The following COL28A1 variants were observed in gnomAD, a reference collection of about 807,000 sequenced individuals.
The protein encoded by COL28A1 is collagen type XXVIII alpha 1 chain.
In COL28A1, 161 loss-of-function variants were observed where a neutral mutation model predicts 150.2. The observed-to-expected ratio is 1.07, with a 90% CI of 0.94 to 1.22. COL28A1 has a LOEUF of 1.22. COL28A1 is among the 50% of genes most tolerant of loss of function. The pLI is 0.00. For missense variants in COL28A1, 1,617 were observed against 1,388.3 expected (o/e 1.16, Z -2.62); for synonymous variants, 552 against 469.7 (o/e 1.18, Z -2.26).
the COL28A1 span, among the ~76,000 whole-genome samples, chr7:7,344,627 T>C: frequency 6.6e-6 from 1 of 152,138 alleles, no homozygotes; most frequent in Non-Finnish European, 1.5e-5. Flanking sequence ...TCACATCATC[T>C]GTCTTTTAAA....
At chr7:7,517,526 T>C (rs181105521) in intron 7 of COL28A1, among the ~76,000 whole-genome samples, 34 of 152,332 alleles carry the variant, frequency 2.2e-4, no homozygotes, top group Non-Finnish European at 4.4e-4. Flanking sequence ...AGTTTTCTCA[T>C]TGGAGCCTTT....
intron 31 of COL28A1, among the ~76,000 whole-genome samples, chr7:7,374,557 T>C (rs1475591009): frequency 6.6e-6 from 1 of 152,150 alleles, no homozygotes; most frequent in East Asian, 1.9e-4. Flanking sequence ...AAACCTTCCA[T>C]TTAGGTTGAT....
intron 27 of COL28A1, among the ~76,000 whole-genome samples, chr7:7,385,049 C>A (rs767686540): frequency 6.6e-6 from 1 of 152,186 alleles, no homozygotes; most frequent in Non-Finnish European, 1.5e-5. Flanking sequence ...TAGCAGCCAG[C>A]CCCCAGAGTG....
intron 11 of COL28A1, among the ~76,000 whole-genome samples, chr7:7,498,626 A>G (rs1780347905): frequency 6.6e-6 from 1 of 152,202 alleles, no homozygotes; most frequent in South Asian, 2.1e-4. Flanking sequence ...ATATTATGTT[A>G]TTATATATTT....
intron 8 of COL28A1, 62 bp downstream of exon 8, chr7:7,515,752 C>T (rs1301424814): frequency 2.5e-6 from 2 of 815,056 alleles, no homozygotes; most frequent in Non-Finnish European, 4.3e-6. Flanking sequence ...TTCCTAAGTA[C>T]ACTTATGTTT....
chr7:7,355,416 C>T (rs559653569), downstream of COL28A1, among the ~76,000 whole-genome samples: 62 of 152,122 alleles, frequency 4.1e-4, no homozygotes, highest in African/African-American at 1.4e-3. Flanking sequence ...TCAAGACCAG[C>T]CCGGACAACA....
chr7:7,438,635 A>G (rs1307300598), intron 21 of COL28A1, among the ~76,000 whole-genome samples: 1 of 152,180 alleles, frequency 6.6e-6, no homozygotes, highest in Non-Finnish European at 1.5e-5. Flanking sequence ...ACTTGTCTCT[A>G]TATTTTTATC....
At chr7:7,541,098 T>C in the COL28A1 span, among the ~76,000 whole-genome samples, 3 of 152,160 alleles carry the variant, frequency 2.0e-5, no homozygotes, top group African/African-American at 7.2e-5. Flanking sequence ...GAGCATTAAG[T>C]AACTTATTAT....
intron 33 of COL28A1, among the ~76,000 whole-genome samples, chr7:7,360,818 T>G (rs1198898960): frequency 6.6e-6 from 1 of 152,236 alleles, no homozygotes; most frequent in Non-Finnish European, 1.5e-5. Flanking sequence ...CACAGATTTT[T>G]GGGTGCTGGG....
chr7:7,502,761 G>C (rs1377235896), intron 11 of COL28A1, among the ~76,000 whole-genome samples: 1 of 43,260 alleles, frequency 2.3e-5, no homozygotes, highest in South Asian at 6.5e-4. Flanking sequence ...GCAGTGGCGC[G>C]ATCTCGGCTC....
At chr7:7,392,035 T>A (rs1782575538) in intron 27 of COL28A1, among the ~76,000 whole-genome samples, 1 of 152,164 alleles carries the variant, frequency 6.6e-6, no homozygotes, top group South Asian at 2.1e-4. Context: ...TGTTAGCTGG[T>A]TATTTTGCTC....
chr7:7,476,831 T>C (rs754610418), intron 14 of COL28A1, among the ~76,000 whole-genome samples: 1 of 152,234 alleles, frequency 6.6e-6, no homozygotes, highest in Non-Finnish European at 1.5e-5. Flanking sequence ...ATGTTATTTA[T>C]CACTGTGGCT....
intron 11 of COL28A1, among the ~76,000 whole-genome samples, chr7:7,500,857 G>A (rs902660110): frequency 2.6e-5 from 4 of 152,168 alleles, no homozygotes; most frequent in African/African-American, 9.7e-5. Context: ...GTTCGGAAAA[G>A]TAGGGTATCC....
At chr7:7,431,858 T>C (rs781169822) in intron 25 of COL28A1, among the ~76,000 whole-genome samples, 1 of 152,086 alleles carries the variant, frequency 6.6e-6, no homozygotes, top group African/African-American at 2.4e-5. Flanking sequence ...AGTTGAGATA[T>C]ATTTTGGCGG....
intron 15 of COL28A1, among the ~76,000 whole-genome samples, chr7:7,463,874 A>G (rs1787838600): frequency 6.6e-6 from 1 of 152,220 alleles, no homozygotes; most frequent in Admixed American, 6.5e-5. Flanking sequence ...GAATTGCAGA[A>G]TGGATAAGAA....
At chr7:7,395,004 G>T (rs1782754849) in intron 27 of COL28A1, among the ~76,000 whole-genome samples, 4 of 152,154 alleles carry the variant, frequency 2.6e-5, no homozygotes, top group Admixed American at 2.0e-4. Flanking sequence ...GAAAAAAACA[G>T]CTATGGGCTG....
intron 30 of COL28A1, among the ~76,000 whole-genome samples, chr7:7,378,180 G>A (rs1005676898): frequency 5.3e-5 from 8 of 152,196 alleles, no homozygotes; most frequent in African/African-American, 1.9e-4. Context: ...ACAGTTGGCT[G>A]TTAAAACAGG....
chr7:7,461,637 G>C (rs540847959), intron 15 of COL28A1, among the ~76,000 whole-genome samples: 16 of 152,180 alleles, frequency 1.1e-4, no homozygotes, highest in African/African-American at 3.9e-4. Context: ...CTGACAACCT[G>C]TATGGCACAG....
chr7:7,497,391 C>T (rs1459509060), intron 11 of COL28A1, among the ~76,000 whole-genome samples: 1 of 152,124 alleles, frequency 6.6e-6, no homozygotes, highest in East Asian at 1.9e-4. Context: ...CTCACCACAG[C>T]TCTAAGAAGT....
Sources: allele counts gnomAD v4.1 joint callset (sites outside exome capture counted in the v4.1 genomes callset), GRCh38; gene constraint gnomAD v4.1.1; transcripts MANE v1.5; gene names NCBI Gene and HGNC (gene_info 2026-07-23, HGNC 2026-07-21).